Variants in PCDHGB2 observed in about 807,000 individuals in gnomAD.
PCDHGB2 encodes the protein protocadherin gamma-B2.
Under a neutral mutation model 59.3 loss-of-function variants are expected in PCDHGB2, and 55 were observed. The observed-to-expected ratio is 0.93, with a 90% confidence interval of 0.75 to 1.16. PCDHGB2 has a LOEUF of 1.16. PCDHGB2 is among the 50% of genes most tolerant of loss of function. The pLI, the probability that PCDHGB2 is intolerant of heterozygous loss-of-function variation, is 0.00. For synonymous variants in PCDHGB2, 516 were observed against 512.0 expected (o/e 1.01, Z -0.11); for missense variants, 1,228 against 1,198.5 (o/e 1.02, Z -0.36).
intron 1 of PCDHGB2, chr5:141,370,230 C>T (rs1002647727): frequency 3.7e-5 from 22 of 587,906 alleles, no homozygotes; most frequent in African/African-American, 5.6e-5. Context: ...GCAGCCAGCT[C>T]GGAAGAAAAG....
chr5:141,430,577 C>A, intron 1 of PCDHGB2: 1 of 464,652 alleles, frequency 2.2e-6, no homozygotes. Context: ...AAGCGGAGAT[C>A]CTGCTCGCCT....
chr5:141,366,112 G>C (rs747040892), intron 1 of PCDHGB2: 1 of 1,614,110 alleles, frequency 6.2e-7, no homozygotes, highest in Non-Finnish European at 8.5e-7. Context: ...TGGTAGCGGT[G>C]GACAAAGATT....
At chr5:141,478,719 T>C in intron 1 of PCDHGB2, 1 of 1,543,882 alleles carries the variant, frequency 6.5e-7, no homozygotes, top group South Asian at 1.2e-5. Context: ...GATGGTGGCC[T>C]GCCAGAGTGT....
intron 1 of PCDHGB2, among the ~76,000 whole-genome samples, chr5:141,438,216 T>A (rs2097938802): frequency 6.6e-6 from 1 of 152,158 alleles, no homozygotes; most frequent in Non-Finnish European, 1.5e-5. Flanking sequence ...TGGGAAGGGC[T>A]CTGGTTCAGG....
chr5:141,376,233 A>G lies in PCDHGB2; in HGVS notation c.2421+13677A>G, dbSNP rs2159258. 2.7e-3 allele frequency: 4,327 copies of G among 1,614,166 alleles called. 84 individuals carry two copies. In the African/African-American group the frequency reaches 0.046, roughly 17 times the overall value. Reference sequence around the variant, plus strand: ...ATCGTGCTGCTGGCGCTCAGACTGCAGCGCTGGCACAAGTCACGCCTGCTG... The same window carrying G: ...ATCGTGCTGCTGGCGCTCAGACTGCGGCGCTGGCACAAGTCACGCCTGCTG... On this transcript the variant is annotated intron_variant, in intron 1 of 3. Coordinates refer to ENST00000522605, the MANE Select transcript of PCDHGB2 (RefSeq NM_018923.3).
chr5:141,383,259 C>G (rs768704302), intron 1 of PCDHGB2: 1 of 1,613,810 alleles, frequency 6.2e-7, no homozygotes, highest in South Asian at 1.1e-5. Context: ...ACCCTATAGA[C>G]GTGGAAATAA....
At chr5:141,446,621 C>T (rs1284919173) in intron 1 of PCDHGB2, among the ~76,000 whole-genome samples, 2 of 152,094 alleles carry the variant, frequency 1.3e-5, no homozygotes, top group Non-Finnish European at 2.9e-5. Flanking sequence ...GGACTACAGG[C>T]GTGCACCACC....
In PCDHGB2 at chr5:141,375,407, G is replaced by A. The variant is rs192651675; in HGVS notation, c.2421+12851G>A. 5.6e-6 allele frequency: 9 copies of A among 1,613,974 alleles called. No individual in the cohort carries two copies. The Admixed American group carries it at 1.5e-4, about 27-fold the overall frequency. ...TACAGAAACAATCATCTCTCTAAAT[G>A]TGGCAGACACCAACGACAACCCGCC... On this transcript the variant is annotated intron_variant, in intron 1 of 3. Transcript: ENST00000522605.
chr5:141,420,269 A>G, intron 1 of PCDHGB2: 1 of 1,544,558 alleles, frequency 6.5e-7, no homozygotes, highest in Admixed American at 2.0e-5. Flanking sequence ...GAAGATTCTT[A>G]AACAGGTAAG....
chr5:141,379,938 C>G (rs1220422667), intron 1 of PCDHGB2, among the ~76,000 whole-genome samples: 1 of 86,936 alleles, frequency 1.2e-5, no homozygotes, highest in African/African-American at 4.3e-5. Context: ...CTTGCTCTGT[C>G]TCCCAGGCTG....
intron 1 of PCDHGB2, among the ~76,000 whole-genome samples, chr5:141,463,809 T>G (rs964935762): frequency 1.3e-5 from 2 of 152,216 alleles, no homozygotes; most frequent in African/African-American, 4.8e-5. Context: ...TAAAAGCTTT[T>G]ATCACACATT....
chr5:141,431,698 ATT>A lies in PCDHGB2; in HGVS notation c.2422-63108_2422-63107del. The A allele has an allele frequency of 6.2e-7, 1 of 1,614,222 alleles. No homozygotes were observed. Among genetic ancestry groups the A allele is most frequent in the South Asian group, 1.1e-5 (1 of 91,090 alleles). ...GGGAGTTGGACCACGAGGAGTCAGG[ATT>A]CTACCAGATGGAAGTGCAAGCAATG... On this transcript the variant is annotated intron_variant, in intron 1 of 3. Transcript: ENST00000522605. The surrounding 1 kb of genome is among the most constrained non-coding windows in gnomAD (Gnocchi z 4.8).
At chr5:141,383,914 G>C (rs1167823249) in intron 1 of PCDHGB2, 9 of 1,613,960 alleles carry the variant, frequency 5.6e-6, no homozygotes, top group Non-Finnish European at 6.8e-6. Flanking sequence ...CACAGTTTTA[G>C]ATGTAAATGA....
intron 1 of PCDHGB2, chr5:141,418,786 TGAA>T: frequency 1.2e-6 from 2 of 1,613,854 alleles, no homozygotes; most frequent in Non-Finnish European, 8.5e-7. Flanking sequence ...CTTTGGATTT[TGAA>T]GAAGTAGAAA....
chr5:141,425,559 G>A (rs1180113940), intron 1 of PCDHGB2, among the ~76,000 whole-genome samples: 2 of 152,176 alleles, frequency 1.3e-5, no homozygotes, highest in East Asian at 3.9e-4. Context: ...TCTTTTATAA[G>A]TGATAAGAAG....
intron 1 of PCDHGB2, chr5:141,370,476 G>A: frequency 6.2e-7 from 1 of 1,613,686 alleles, no homozygotes; most frequent in Non-Finnish European, 8.5e-7. Flanking sequence ...GTTAGACCAG[G>A]CTCTCTCCGA....
intron 2 of PCDHGB2, among the ~76,000 whole-genome samples, chr5:141,499,780 G>A (rs776654854): frequency 1.4e-5 from 2 of 145,766 alleles, no homozygotes; most frequent in Non-Finnish European, 3.0e-5. Flanking sequence ...TTCGCCTCCC[G>A]GGTTCAAGCA....
chr5:141,472,183 A>G (rs2099273731), intron 1 of PCDHGB2, among the ~76,000 whole-genome samples: 1 of 152,190 alleles, frequency 6.6e-6, no homozygotes, highest in South Asian at 2.1e-4. Flanking sequence ...CCAGTATTGG[A>G]ATTTGAATCT....
Position 141,510,957 on chromosome 5 carries a change from T to C in PCDHGB2, c.2580T>C (p.Asp860=), listed in dbSNP as rs372617587. ...MILASASEAA[D]GSSTLGGGAG... ...CCTCTGTCTCTGCAGAAGCTGCTGA[T>C]GGGAGCTCCACCCTGGGAGGGGGTG... Residue 860 remains aspartate, a synonymous_variant, in exon 4 of 4, where the codon GAT becomes GAC. Transcript: ENST00000522605. 2.5e-6 allele frequency: 4 copies of C among 1,614,134 alleles called. No individual in the cohort carries two copies. The highest frequency in any genetic ancestry group is 3.4e-6 in the Non-Finnish European group (4 of 1,180,004).
Sources: allele counts gnomAD v4.1 joint callset (sites outside exome capture counted in the v4.1 genomes callset), GRCh38; gene constraint gnomAD v4.1.1; non-coding constraint Gnocchi (gnomAD v3.1); transcripts MANE v1.5; gene names NCBI Gene and HGNC (gene_info 2026-07-23, HGNC 2026-07-21).